Variants in HDAC9 observed in about 807,000 individuals in gnomAD.
HDAC9 encodes the protein histone deacetylase 9.
In HDAC9, 41 loss-of-function variants were observed where a neutral mutation model predicts 139.4. The ratio of observed to expected loss-of-function variants is 0.29; its 90% CI spans 0.23 to 0.38. HDAC9 has a LOEUF of 0.38. Ranked by LOEUF, HDAC9 falls within the 10% of genes least tolerant of loss-of-function variation. HDAC9 has a pLI of 1.00. For missense variants in HDAC9, 1,147 were observed against 1,297.0 expected (o/e 0.88, Z 1.78); for synonymous variants, 517 against 476.2 (o/e 1.09, Z -1.12).
intron 11 of HDAC9, 59 bp downstream of exon 11, chr7:18,648,742 T>G: frequency 2.4e-4 from 324 of 1,342,048 alleles, no homozygotes; most frequent in Non-Finnish European, 3.1e-4. Flanking sequence ...TGGGTATCTC[T>G]TCACTGATAT....
In HDAC9 at chr7:18,997,531, T is replaced by C. The variant is rs959288542; in HGVS notation, c.*1469T>C. On this transcript the variant is annotated 3_prime_UTR_variant, in exon 26 of 26. Coordinates refer to ENST00000686413, the MANE Select transcript of HDAC9 (RefSeq NM_178425.4). ...CTGACAATGCTTTTGAAAGAGTTGA[T>C]GTTTCTTTTTATATATTTTTCTAAC... is the stretch of plus-strand genomic sequence containing the variant. 6.6e-6 allele frequency: 1 copy of C among 152,162 alleles called. No individual in the cohort carries two copies. The highest frequency in any genetic ancestry group is 1.5e-5 in the Non-Finnish European group (1 of 68,002). The allele number at this position is 152,162 out of a possible 1,614,324, so 9.4% of individuals were successfully genotyped here.
chr7:18,952,410 G>A (rs1282202906), intron 23 of HDAC9, among the ~76,000 whole-genome samples: 2 of 152,066 alleles, frequency 1.3e-5, no homozygotes, highest in Middle Eastern at 6.8e-3. Flanking sequence ...CTTTCAGTTT[G>A]TCAGGATTTT....
At chr7:18,602,791 T>C (rs1377142796) in intron 6 of HDAC9, among the ~76,000 whole-genome samples, 3 of 152,110 alleles carry the variant, frequency 2.0e-5, no homozygotes, top group African/African-American at 7.2e-5. Context: ...CTTTCTGTTA[T>C]TGATTTCTAT....
At chr7:18,855,933 T>C (rs1197385415) in intron 21 of HDAC9, among the ~76,000 whole-genome samples, 1 of 152,098 alleles carries the variant, frequency 6.6e-6, no homozygotes, top group African/African-American at 2.4e-5. Context: ...AAAATAATTG[T>C]AAGCATTACA....
chr7:18,554,634 C>G (rs1818239510), intron 2 of HDAC9, among the ~76,000 whole-genome samples: 1 of 152,184 alleles, frequency 6.6e-6, no homozygotes, highest in African/African-American at 2.4e-5. Context: ...CGCGCCCAGC[C>G]CAGATCACTC....
chr7:18,995,872 C>G (rs1786423526), intron 25 of HDAC9, 151 bp from the exon 26 acceptor site: 1 of 592,972 alleles, frequency 1.7e-6, no homozygotes, highest in Admixed American at 2.9e-5. Context: ...TTTGTTTATA[C>G]TTCCTAGGAA....
chr7:18,108,286 A>G (rs1025788921), intron 1 of HDAC9, among the ~76,000 whole-genome samples: 1 of 152,276 alleles, frequency 6.6e-6, no homozygotes. Context: ...AGCAATGACC[A>G]GGGAGTGTGG....
intron 17 of HDAC9, among the ~76,000 whole-genome samples, chr7:18,825,642 G>T (rs570255521): frequency 6.6e-6 from 1 of 151,394 alleles, no homozygotes; most frequent in African/African-American, 2.4e-5. Context: ...ACTATTAAAA[G>T]GAGAAGAAGA....
At chr7:18,588,047 G>C (rs1173505275) in intron 3 of HDAC9, among the ~76,000 whole-genome samples, 2 of 152,136 alleles carry the variant, frequency 1.3e-5, no homozygotes, top group African/African-American at 4.8e-5. Flanking sequence ...CACCCATTAA[G>C]GGAGTGTATT....
At chr7:18,400,753 A>G (rs1787464640) in intron 1 of HDAC9, among the ~76,000 whole-genome samples, 1 of 152,170 alleles carries the variant, frequency 6.6e-6, no homozygotes. Flanking sequence ...AAGAAAGTAG[A>G]TGTACGATGA....
At chr7:18,520,672 A>G (rs927652540) in intron 2 of HDAC9, among the ~76,000 whole-genome samples, 5 of 152,192 alleles carry the variant, frequency 3.3e-5, no homozygotes, top group Admixed American at 6.5e-5. Flanking sequence ...ATGTCAACAC[A>G]TATTTTCCAA....
intron 2 of HDAC9, among the ~76,000 whole-genome samples, chr7:18,497,723 A>G (rs551102878): frequency 2.0e-4 from 31 of 152,302 alleles, no homozygotes; most frequent in African/African-American, 7.0e-4. Flanking sequence ...TTTTTAAAAT[A>G]TGGATGAACC....
chr7:18,952,600 A>T (rs77581470), intron 23 of HDAC9, among the ~76,000 whole-genome samples: 22,315 of 151,994 alleles, frequency 0.15, 1,739 homozygotes, highest in Middle Eastern at 0.25. Context: ...AAAATTATTT[A>T]TAAGCAAAGT....
At chr7:18,970,872 G>C (rs1264675749) in intron 24 of HDAC9, among the ~76,000 whole-genome samples, 1 of 152,174 alleles carries the variant, frequency 6.6e-6, no homozygotes, top group Non-Finnish European at 1.5e-5. Flanking sequence ...GATGGAATGA[G>C]GGATTTCTGG....
chr7:18,466,015 G>T (rs1794244202), intron 1 of HDAC9, among the ~76,000 whole-genome samples: 1 of 152,178 alleles, frequency 6.6e-6, no homozygotes, highest in South Asian at 2.1e-4. Context: ...CAAAGTATTA[G>T]TGGGGCACAT....
chr7:18,129,089 A>G (rs934555094), intron 1 of HDAC9, among the ~76,000 whole-genome samples: 1 of 152,186 alleles, frequency 6.6e-6, no homozygotes, highest in African/African-American at 2.4e-5. Flanking sequence ...CTGTGATTGA[A>G]GCAAGGAGAC....
At chr7:18,447,230 G>T (rs574742549) in intron 1 of HDAC9, among the ~76,000 whole-genome samples, 1 of 152,172 alleles carries the variant, frequency 6.6e-6, no homozygotes, top group East Asian at 1.9e-4. Context: ...TATTTATGAT[G>T]AAATATACTG....
chr7:18,498,627 A>G (rs1481759835), intron 2 of HDAC9, among the ~76,000 whole-genome samples: 1 of 152,066 alleles, frequency 6.6e-6, no homozygotes, highest in Non-Finnish European at 1.5e-5. Context: ...TGAAAGAGAG[A>G]AAGGATGCCT....
In HDAC9 at chr7:18,164,351, T is replaced by A. The variant is rs75935337; in HGVS notation, c.25+2002T>A. Among the ~76,000 whole-genome samples the A allele has an allele frequency of 6.5e-3, 986 of 152,354 alleles. 13 individuals carry two copies. Among genetic ancestry groups the A allele is most frequent in the African/African-American group, 0.023 (950 of 41,596 alleles). Reference sequence around the variant, plus strand: ...TTAGCCTGCATCTTAGGGTGCCGTATATATTCTGAGAAATAACCTGATTGT... The same window carrying A: ...TTAGCCTGCATCTTAGGGTGCCGTAAATATTCTGAGAAATAACCTGATTGT... On this transcript the variant is annotated intron_variant, in intron 2 of 12. Transcript: ENST00000417496.
Sources: allele counts gnomAD v4.1 joint callset (sites outside exome capture counted in the v4.1 genomes callset), GRCh38; gene constraint gnomAD v4.1.1; transcripts MANE v1.5; gene names NCBI Gene and HGNC (gene_info 2026-07-23, HGNC 2026-07-21).